The following SDCBP variants were observed in gnomAD, a reference collection of about 807,000 sequenced individuals.
SDCBP encodes syntenin-1.
In SDCBP, 22 loss-of-function variants were observed where a neutral mutation model predicts 30.5. The ratio of observed to expected loss-of-function variants is 0.72; its 90% CI spans 0.52 to 1.03. The LOEUF (loss-of-function observed/expected upper bound fraction) is 1.03. Ranked by LOEUF, SDCBP falls within the 50% of genes least tolerant of loss-of-function variation. SDCBP has a pLI of 0.00. For missense variants in SDCBP, 304 were observed against 369.9 expected (o/e 0.82, Z 1.46); for synonymous variants, 103 against 118.7 (o/e 0.87, Z 0.86).
At chr8:58,553,660 A>G (rs1803939819) in intron 1 of SDCBP, among the ~76,000 whole-genome samples, 2 of 152,190 alleles carry the variant, frequency 1.3e-5, no homozygotes, top group Non-Finnish European at 2.9e-5. Flanking sequence ...TCTTCCTGGG[A>G]CCGTCTCTCG....
intron 2 of SDCBP, among the ~76,000 whole-genome samples, chr8:58,568,149 A>G (rs557712809): frequency 2.0e-5 from 3 of 152,370 alleles, no homozygotes; most frequent in East Asian, 3.9e-4. Flanking sequence ...TTGTAATAAC[A>G]TAGTTTAAAA....
At chr8:58,579,480 A>G in intron 6 of SDCBP, 143 bp from the exon 7 acceptor site, 1 of 532,112 alleles carries the variant, frequency 1.9e-6, no homozygotes, top group African/African-American at 2.0e-5. Flanking sequence ...CCGTGAATGT[A>G]TAAAATCAGA....
At chr8:58,571,958 T>C (rs894667386) in intron 3 of SDCBP, among the ~76,000 whole-genome samples, 3 of 152,218 alleles carry the variant, frequency 2.0e-5, no homozygotes, top group Non-Finnish European at 4.4e-5. Flanking sequence ...TACTTTTGAG[T>C]GTTTAGGAAT....
In SDCBP at chr8:58,577,033, A is replaced by G. The variant is rs376630494; in HGVS notation, c.402+972A>G. On this transcript the variant is annotated intron_variant, in intron 5 of 8. Transcript: ENST00000260130. ...TTGCTGCCCTTTCTCCAGAATCTTC[A>G]GGGAATAGAGTATACTGCTGCTCCT... 4.6e-5 allele frequency among the ~76,000 whole-genome samples: 7 copies of G among 152,328 alleles called. No individual in the cohort carries two copies. In the East Asian group the frequency reaches 1.4e-3, roughly 29 times the overall value.
At chr8:58,566,870 A>C (rs752136895) in intron 2 of SDCBP, among the ~76,000 whole-genome samples, 6 of 152,230 alleles carry the variant, frequency 3.9e-5, no homozygotes, top group Non-Finnish European at 5.9e-5. Flanking sequence ...TGCAGTAGCC[A>C]CTAGGCTGTG....
At chr8:58,567,848 T>C (rs988487660) in intron 2 of SDCBP, among the ~76,000 whole-genome samples, 3 of 152,180 alleles carry the variant, frequency 2.0e-5, no homozygotes, top group Non-Finnish European at 4.4e-5. Context: ...ATAGTATTTG[T>C]GTATCTAAAC....
chr8:58,580,188 A>T (rs1196188380), intron 7 of SDCBP, among the ~76,000 whole-genome samples: 1 of 152,226 alleles, frequency 6.6e-6, no homozygotes, highest in Non-Finnish European at 1.5e-5. Flanking sequence ...TCTTAAGGTC[A>T]AAAAGTTTTA....
chr8:58,556,804 G>T (rs909704729), intron 1 of SDCBP, among the ~76,000 whole-genome samples: 1 of 147,862 alleles, frequency 6.8e-6, no homozygotes, highest in Non-Finnish European at 1.5e-5. Context: ...GGGAAACTTG[G>T]TACTGAGGCA....
In SDCBP at chr8:58,565,100, T is replaced by C. The variant is rs1158411692; in HGVS notation, c.51+16T>C. ...AGTAATTCAGGTATGATAGTTTAAA[T>C]ACTTTTGTCAAAACAAACACAGTAA... On this transcript the variant is annotated intron_variant, in intron 2 of 8. Transcript: ENST00000260130. 1.4e-6 allele frequency: 2 copies of C among 1,458,088 alleles called. No homozygotes were observed. The highest frequency in any genetic ancestry group is 1.9e-6 in the Non-Finnish European group (2 of 1,055,062). The allele number at this position is 1,458,088 out of a possible 1,614,324, so 90.3% of individuals were successfully genotyped here.
intron 1 of SDCBP, among the ~76,000 whole-genome samples, chr8:58,557,672 A>G (rs1219786955): frequency 2.0e-5 from 3 of 151,766 alleles, no homozygotes; most frequent in Admixed American, 6.6e-5. Context: ...GATTGCAAAT[A>G]ATGTAGTGTG....
At chr8:58,577,954 A>T in intron 5 of SDCBP, 79 bp from the exon 6 acceptor site, 1 of 1,109,760 alleles carries the variant, frequency 9.0e-7, no homozygotes, top group Non-Finnish European at 1.3e-6. Flanking sequence ...CAACATAAAC[A>T]GTTGTTTCCT....
At chr8:58,567,997 C>G (rs1804793673) in intron 2 of SDCBP, among the ~76,000 whole-genome samples, 1 of 152,096 alleles carries the variant, frequency 6.6e-6, no homozygotes, top group South Asian at 2.1e-4. Flanking sequence ...GAATGTGAGG[C>G]CTAGGACATT....
chr8:58,567,497 G>C (rs1804762763), intron 2 of SDCBP, among the ~76,000 whole-genome samples: 1 of 152,128 alleles, frequency 6.6e-6, no homozygotes, highest in African/African-American at 2.4e-5. Context: ...AGTACATCTG[G>C]CTCATTAATA....
intron 1 of SDCBP, among the ~76,000 whole-genome samples, chr8:58,557,475 TTA>T (rs1804212119): frequency 7.3e-6 from 1 of 136,582 alleles, no homozygotes; most frequent in African/African-American, 2.7e-5. Context: ...ATTATATATG[TTA>T]TATATAATAC....
chr8:58,563,571 T>TC (rs1804547563), intron 1 of SDCBP, among the ~76,000 whole-genome samples: 2 of 149,104 alleles, frequency 1.3e-5, no homozygotes, highest in African/African-American at 5.1e-5. Flanking sequence ...TGAATTAAAT[T>TC]TAAAAAAAAA....
chr8:58,578,407 A>T (rs1805471490), intron 6 of SDCBP, 199 bp downstream of exon 6: 1 of 422,574 alleles, frequency 2.4e-6, no homozygotes, highest in African/African-American at 2.1e-5. Context: ...CTTATTTCAG[A>T]GTTTATAGGA....
chr8:58,558,421 A>G (rs1804267667), intron 1 of SDCBP, among the ~76,000 whole-genome samples: 1 of 152,138 alleles, frequency 6.6e-6, no homozygotes, highest in Non-Finnish European at 1.5e-5. Context: ...AGCTAGGACT[A>G]CAGGCATGTG....
At chr8:58,557,463 ATAT>A (rs889457693) in intron 1 of SDCBP, among the ~76,000 whole-genome samples, 3 of 145,550 alleles carry the variant, frequency 2.1e-5, no homozygotes, top group African/African-American at 7.5e-5. Flanking sequence ...TATATAATAC[ATAT>A]TATATATGTT....
intron 4 of SDCBP, 75 bp downstream of exon 4, chr8:58,572,389 GCTAA>G: frequency 1.0e-6 from 1 of 985,946 alleles, no homozygotes; most frequent in Non-Finnish European, 1.6e-6. Context: ...CCTCTTTGTG[GCTAA>G]CTCACAGATA....
Sources: gnomAD v4.1 joint callset for allele counts (sites outside exome capture counted in the v4.1 genomes callset) on GRCh38, gnomAD v4.1.1 for gene constraint, MANE v1.5 for transcripts, NCBI Gene and HGNC (gene_info 2026-07-23, HGNC 2026-07-21) for gene names.